Variants in NFATC2 observed in about 807,000 individuals in gnomAD.
The protein encoded by NFATC2 is nuclear factor of activated T cells 2, also known as nuclear factor of activated T-cells, cytoplasmic 2.
A neutral mutation model predicts 87.3 loss-of-function variants in NFATC2; 22 were observed. The observed-to-expected ratio is 0.25, with a 90% CI of 0.18 to 0.36. The LOEUF is 0.36. Ranked by LOEUF, NFATC2 falls within the 10% of genes least tolerant of loss-of-function variation. NFATC2 has a pLI of 1.00. For synonymous variants in NFATC2, 565 were observed against 542.2 expected (o/e 1.04, Z -0.58); for missense variants, 1,149 against 1,259.1 (o/e 0.91, Z 1.32).
At chr20:51,397,008 C>T (rs915088555) in intron 10 of NFATC2, among the ~76,000 whole-genome samples, 31 of 108,892 alleles carry the variant, frequency 2.8e-4, no homozygotes, top group Middle Eastern at 9.2e-3. Context: ...CAGGTTCAAG[C>T]GATTCTCCTG....
chr20:51,433,839 G>A (rs1231122651), intron 8 of NFATC2, among the ~76,000 whole-genome samples: 1 of 151,844 alleles, frequency 6.6e-6, no homozygotes. Context: ...AAGGAGACTA[G>A]GCAAGGCTGT....
intron 6 of NFATC2, among the ~76,000 whole-genome samples, chr20:51,436,882 C>T (rs1600727463): frequency 6.6e-6 from 1 of 152,272 alleles, no homozygotes; most frequent in African/African-American, 2.4e-5. Context: ...TCTGAGAACA[C>T]AGGCTTAAAG....
At chr20:51,499,293 G>GC (rs1276423181) in intron 3 of NFATC2, among the ~76,000 whole-genome samples, 1 of 152,124 alleles carries the variant, frequency 6.6e-6, no homozygotes, top group Non-Finnish European at 1.5e-5. Context: ...TGCTAGCTTG[G>GC]CCCCAGGTGA....
intron 8 of NFATC2, among the ~76,000 whole-genome samples, chr20:51,433,979 T>C (rs1478856691): frequency 6.6e-6 from 1 of 152,078 alleles, no homozygotes; most frequent in Non-Finnish European, 1.5e-5. Context: ...GGGCCACAAA[T>C]GAGAGGCAAG....
intron 1 of NFATC2, among the ~76,000 whole-genome samples, chr20:51,550,584 T>A (rs1229746638): frequency 1.3e-5 from 2 of 151,742 alleles, no homozygotes; most frequent in Non-Finnish European, 2.9e-5. Context: ...AGAGCGAAAC[T>A]CCATCTCAAA....
intron 5 of NFATC2, among the ~76,000 whole-genome samples, chr20:51,464,579 T>C (rs966828970): frequency 2.7e-5 from 4 of 150,782 alleles, no homozygotes; most frequent in African/African-American, 9.7e-5. Flanking sequence ...GACAAAGGCC[T>C]GGCCAACCTG....
In NFATC2 at chr20:51,524,969, C is replaced by T. The variant is rs978698336; in HGVS notation, c.131-859G>A. ...GCGTGGTGGCTCACACCTGGAATCC[C>T]GGCACTTCGGGAGGCTGAGGCGGGC... On this transcript the variant is annotated intron_variant, in intron 1 of 10. Coordinates refer to ENST00000371564, the MANE Select transcript of NFATC2 (RefSeq NM_012340.5). The surrounding 1 kb of genome is among the most constrained non-coding windows in gnomAD (Gnocchi z 4.0). Among the ~76,000 whole-genome samples the T allele has an allele frequency of 5.9e-5, 9 of 152,274 alleles. No individual in the cohort carries two copies. The highest frequency in any genetic ancestry group is 2.1e-4 in the South Asian group (1 of 4,828).
At chr20:51,491,550 A>T (rs1430516394) in intron 3 of NFATC2, among the ~76,000 whole-genome samples, 1 of 152,102 alleles carries the variant, frequency 6.6e-6, no homozygotes, top group African/African-American at 2.4e-5. Context: ...TCCCGGTGTG[A>T]CGATACTGTA....
intron 1 of NFATC2, among the ~76,000 whole-genome samples, chr20:51,525,369 A>G (rs1000052732): frequency 4.7e-4 from 72 of 152,092 alleles, no homozygotes; most frequent in Admixed American, 9.2e-4. Context: ...AGAATGTTCT[A>G]TGTCAGCCAC....
At chr20:51,543,975 ATTTTTTTTT>A (rs11473264), upstream of NFATC2, among the ~76,000 whole-genome samples, 4 of 72,958 alleles carry the variant, frequency 5.5e-5, no homozygotes, top group East Asian at 5.0e-4. Flanking sequence ...AGAATTCCTA[ATTTTTTTTT>A]TTTTTTTTTT....
intron 9 of NFATC2, among the ~76,000 whole-genome samples, chr20:51,422,054 G>C (rs975409485): frequency 1.2e-4 from 18 of 152,210 alleles, no homozygotes; most frequent in Admixed American, 1.2e-3. Flanking sequence ...TTTGCCCAGA[G>C]TTTTGGAAAT....
chr20:51,430,133 AAGGGATGGACAGGGTAGG>A (rs1568964038), intron 9 of NFATC2, among the ~76,000 whole-genome samples: 1 of 152,134 alleles, frequency 6.6e-6, no homozygotes, highest in Non-Finnish European at 1.5e-5. Flanking sequence ...TGCCTTTAAC[AAGGGATGGACAGGGTAGG>A]AGAGGCCAGT....
At chr20:51,447,803 C>G (rs1238589750) in intron 6 of NFATC2, among the ~76,000 whole-genome samples, 2 of 152,202 alleles carry the variant, frequency 1.3e-5, no homozygotes, top group African/African-American at 4.8e-5. Context: ...ATAGGAAAGA[C>G]CCTGATTGTT....
intron 3 of NFATC2, among the ~76,000 whole-genome samples, chr20:51,492,937 G>A (rs1271546689): frequency 2.6e-5 from 4 of 152,248 alleles, no homozygotes; most frequent in Non-Finnish European, 4.4e-5. Context: ...GAACTGTAGC[G>A]TCAGCATTGG....
intron 5 of NFATC2, among the ~76,000 whole-genome samples, chr20:51,466,272 C>T (rs934632776): frequency 1.3e-5 from 2 of 152,114 alleles, no homozygotes; most frequent in South Asian, 2.1e-4. Flanking sequence ...AGGCTGGTCT[C>T]GAACTCCTGA....
At chr20:51,466,697 G>T (rs1160100610) in intron 5 of NFATC2, among the ~76,000 whole-genome samples, 1 of 152,074 alleles carries the variant, frequency 6.6e-6, no homozygotes, top group Admixed American at 6.5e-5. Context: ...TTTCCTGGAG[G>T]AATGCAAAAA....
intron 9 of NFATC2, among the ~76,000 whole-genome samples, chr20:51,411,441 TAC>T (rs763979824): frequency 4.0e-5 from 6 of 149,292 alleles, no homozygotes; most frequent in South Asian, 2.1e-4. Context: ...CACACACCCA[TAC>T]ACACACACAC....
intron 5 of NFATC2, among the ~76,000 whole-genome samples, chr20:51,464,890 C>A (rs756649522): frequency 3.3e-4 from 50 of 152,378 alleles, no homozygotes; most frequent in Admixed American, 5.9e-4. Context: ...GCTCACTTCT[C>A]CATGCTACAG....
rs1390884615 is a variant in NFATC2, at chr20:51,523,655, C to A, written c.586G>T (p.Gly196Cys). Residue 196 changes from glycine to cysteine, a missense_variant, in exon 2 of 11, where the codon GGC becomes TGC. Around this residue, in one of 3 missense-constraint regions of NFATC2, gnomAD observed 563 missense variants for 585.2 expected, o/e 0.96. Coordinates refer to ENST00000371564, the MANE Select transcript of NFATC2 (RefSeq NM_012340.5). This position sits in a 1 kb window ranked among gnomAD's most constrained non-coding sequence, Gnocchi z 6.9. ...TGCGGACACAGGTCGTCGGGCCCGC[C>A]GTTATTGGGCGAGACGCAGGGCGAG... The part of the protein sequence containing the change: ...YTSPCVSPNN[G>C]GPDDLCPQFQ... The A allele has an allele frequency of 1.5e-5, 24 of 1,613,692 alleles. No homozygotes were observed. The highest frequency in any genetic ancestry group is 4.5e-5 in the East Asian group (2 of 44,870).
Sources: allele counts gnomAD v4.1 joint callset (sites outside exome capture counted in the v4.1 genomes callset), GRCh38; gene constraint gnomAD v4.1.1; regional missense constraint gnomAD v4.1.1; non-coding constraint Gnocchi (gnomAD v3.1); transcripts MANE v1.5; gene names NCBI Gene and HGNC (gene_info 2026-07-23, HGNC 2026-07-21).